Variants in CDH18 observed in about 807,000 individuals in gnomAD.
CDH18 encodes cadherin 18.
In CDH18, 31 loss-of-function variants were observed where a neutral mutation model predicts 67.9. The ratio of observed to expected loss-of-function variants is 0.46; its 90% CI spans 0.34 to 0.62. CDH18 has a LOEUF of 0.62. Ranked by LOEUF, CDH18 falls within the 20% of genes least tolerant of loss-of-function variation. CDH18 has a pLI of 0.01. For missense variants in CDH18, 890 were observed against 975.5 expected (o/e 0.91, Z 1.17); for synonymous variants, 362 against 347.2 (o/e 1.04, Z -0.48).
intron 2 of CDH18, among the ~76,000 whole-genome samples, chr5:20,225,777 G>C (rs1005086143): frequency 6.6e-6 from 1 of 152,104 alleles, no homozygotes; most frequent in Non-Finnish European, 1.5e-5. Flanking sequence ...GACATGACCT[G>C]AACCACTTCA....
chr5:19,974,742 T>C (rs1798348306), intron 2 of CDH18, among the ~76,000 whole-genome samples: 2 of 152,022 alleles, frequency 1.3e-5, no homozygotes. Context: ...TTCATATAGA[T>C]TGGTGGAAGT....
At chr5:19,641,109 G>T (rs781678618) in intron 5 of CDH18, among the ~76,000 whole-genome samples, 5 of 126,258 alleles carry the variant, frequency 4.0e-5, no homozygotes, top group Non-Finnish European at 8.3e-5. Context: ...AAAATTTCTA[G>T]AAATACATAC....
intron 3 of CDH18, among the ~76,000 whole-genome samples, chr5:19,749,008 G>C (rs547546385): frequency 6.4e-4 from 98 of 152,102 alleles, no homozygotes; most frequent in African/African-American, 2.3e-3. Context: ...TAGTAAATTG[G>C]ATACTAAAAG....
chr5:19,851,196 T>G (rs187931471), intron 2 of CDH18, among the ~76,000 whole-genome samples: 30 of 151,984 alleles, frequency 2.0e-4, no homozygotes, highest in Non-Finnish European at 3.4e-4. Context: ...ACTGTGGTCC[T>G]ATAAAAATAA....
At chr5:19,838,558 G>C (rs558612275) in intron 3 of CDH18, among the ~76,000 whole-genome samples, 1 of 152,170 alleles carries the variant, frequency 6.6e-6, no homozygotes, top group Admixed American at 6.5e-5. Flanking sequence ...GTTTAGAGAG[G>C]TATAATATGA....
At chr5:20,288,847 T>C (rs1451612306) in intron 1 of CDH18, among the ~76,000 whole-genome samples, 2 of 151,946 alleles carry the variant, frequency 1.3e-5, no homozygotes, top group Admixed American at 6.6e-5. Flanking sequence ...TGTGAAACTT[T>C]TATATTTTTA....
chr5:20,520,158 C>T (rs1755657215), intron 1 of CDH18, among the ~76,000 whole-genome samples: 1 of 151,526 alleles, frequency 6.6e-6, no homozygotes, highest in Admixed American at 6.6e-5. Flanking sequence ...AGAGCTCCCA[C>T]TGAAGATTAT....
rs118155173 is a variant in CDH18, at chr5:20,545,558, G to A, written c.-580+29904C>T. 2.8e-3 allele frequency among the ~76,000 whole-genome samples: 431 copies of A among 152,312 alleles called. 7 individuals carry two copies. Among genetic ancestry groups the A allele is most frequent in the East Asian group, 0.024 (122 of 5,168 alleles). The stretch of plus-strand genomic sequence containing the variant: ...AATGGAAGCTGCCAAGGTTGGGTCT[G>A]AAGCCATAGACCAAGATATACGTTG... On this transcript the variant is annotated intron_variant, in intron 1 of 14. Coordinates refer to the CDH18 transcript ENST00000507958.
At chr5:19,793,414 C>T (rs1019783204) in intron 3 of CDH18, among the ~76,000 whole-genome samples, 8 of 152,080 alleles carry the variant, frequency 5.3e-5, no homozygotes, top group Non-Finnish European at 1.0e-4. Flanking sequence ...CCTGGAACTG[C>T]ATCAGAAGCA....
intron 1 of CDH18, among the ~76,000 whole-genome samples, chr5:20,465,516 A>G (rs963655242): frequency 1.3e-5 from 2 of 152,094 alleles, no homozygotes; most frequent in Non-Finnish European, 2.9e-5. Context: ...TACATTATCA[A>G]GGTATATTTA....
rs1412669446 is a variant in CDH18, at chr5:20,125,690, G to T, written c.-518+129754C>A. Among the ~76,000 whole-genome samples, 35 of 152,012 alleles carry T rather than the reference G, an allele frequency of 2.3e-4. 1 individual carries two copies. The highest frequency in any genetic ancestry group is 2.3e-3 in the Admixed American group (35 of 15,262). On this transcript the variant is annotated intron_variant, in intron 2 of 14. Coordinates refer to the CDH18 transcript ENST00000507958. ...GAAAGATTTTTATATGACTGCATAT[G>T]ACATGCATCAATTTTTTTAAAATTA...
chr5:19,649,102 A>AGT (rs1180069409), intron 5 of CDH18, among the ~76,000 whole-genome samples: 1 of 152,166 alleles, frequency 6.6e-6, no homozygotes, highest in Admixed American at 6.5e-5. Flanking sequence ...GCTCAGGCCT[A>AGT]ACCATTTTAG....
At chr5:20,524,811 C>G (rs1581150544) in intron 1 of CDH18, among the ~76,000 whole-genome samples, 1 of 152,246 alleles carries the variant, frequency 6.6e-6, no homozygotes, top group Non-Finnish European at 1.5e-5. Context: ...TTCATACTCT[C>G]ATGCAATGTA....
At chr5:19,493,384 C>T (rs1299022938) in intron 11 of CDH18, among the ~76,000 whole-genome samples, 1 of 152,058 alleles carries the variant, frequency 6.6e-6, no homozygotes. Flanking sequence ...AGAAGAAAAA[C>T]AATGTTAAGA....
At chr5:19,948,665 A>G (rs1795502481) in intron 2 of CDH18, among the ~76,000 whole-genome samples, 2 of 152,054 alleles carry the variant, frequency 1.3e-5, no homozygotes, top group Non-Finnish European at 2.9e-5. Context: ...CACACACACA[A>G]ATAAGTGTAC....
chr5:19,657,684 C>T (rs990267645), intron 5 of CDH18, among the ~76,000 whole-genome samples: 1 of 151,922 alleles, frequency 6.6e-6, no homozygotes, highest in Non-Finnish European at 1.5e-5. Context: ...ATGTATTTTC[C>T]AATTGAAAAG....
intron 2 of CDH18, among the ~76,000 whole-genome samples, chr5:19,852,343 A>G (rs1783803057): frequency 6.6e-6 from 1 of 152,052 alleles, no homozygotes; most frequent in Admixed American, 6.6e-5. Context: ...GATATCTCCA[A>G]GAGCCTAGCC....
chr5:19,982,165 T>C (rs541336684), intron 1 of CDH18, among the ~76,000 whole-genome samples: 6 of 152,310 alleles, frequency 3.9e-5, no homozygotes, highest in African/African-American at 1.2e-4. Context: ...AACTGGTTTA[T>C]TTTATAATCT....
At chr5:20,551,660 A>G (rs1364150278) in intron 1 of CDH18, among the ~76,000 whole-genome samples, 2 of 152,168 alleles carry the variant, frequency 1.3e-5, no homozygotes, top group African/African-American at 2.4e-5. Flanking sequence ...TTACATTATA[A>G]GACTAGTTAT....
Sources: allele counts gnomAD v4.1 joint callset (sites outside exome capture counted in the v4.1 genomes callset), GRCh38; gene constraint gnomAD v4.1.1; transcripts MANE v1.5; gene names NCBI Gene and HGNC (gene_info 2026-07-23, HGNC 2026-07-21).